SSX5: variants seen among roughly 807,000 people sequenced by gnomAD.
The protein encoded by SSX5 is SSX family member 5.
A neutral mutation model predicts 14.9 loss-of-function variants in SSX5; 14 were observed. The observed-to-expected ratio is 0.94, with a 90% CI of 0.62 to 1.47. The LOEUF (loss-of-function observed/expected upper bound fraction) is 1.47. Among genes scored for constraint, SSX5 ranks in the 40% most tolerant of loss-of-function variants. The probability of loss-of-function intolerance (pLI) is 0.00; values close to 1 mark genes in which losing one functional copy is unlikely to be tolerated. For synonymous variants in SSX5, 70 were observed against 55.4 expected, an observed-to-expected ratio of 1.26 and a Z score of -1.17; for missense variants, 204 against 154.6, an observed-to-expected ratio of 1.32 and a Z score of -1.70.
chrX:48,195,523 C>T, intron 1 of SSX5, 145 bp from the exon 2 acceptor site: 1 of 562,211 alleles, frequency 1.8e-6, no homozygotes. Context: ...CTGAGTAAGG[C>T]CATGGGGAGA....
In SSX5 at chrX:48,195,333, C is replaced by T. The variant is rs782658686; in HGVS notation, c.26G>A (p.Arg9Gln). 47 of 1,209,892 alleles carry T rather than the reference C, an allele frequency of 3.9e-5. No individual in the cohort carries two copies. The highest frequency in any genetic ancestry group is 5.0e-5 in the Non-Finnish European group (45 of 895,187). The change falls in exon 2 of 8, where the codon CGG becomes CAG. Residue 9 changes from arginine (R) to glutamine (Q), a missense_variant. Coordinates refer to ENST00000347757, the MANE Select transcript of SSX5 (RefSeq NM_175723.2). ...TATTTGAGAACCAACCCTAGGTCTC[C>T]GTACAAAGGCATCGTCTCCGTTCAT... is the stretch of plus-strand genomic sequence containing the variant. The part of the protein sequence containing the change: MNGDDAFV[R>Q]RPRVGSQIPE...
intron 2 of SSX5, 190 bp from the exon 3 acceptor site, chrX:48,195,044 C>A: frequency 1.7e-6 from 2 of 1,211,539 alleles, no homozygotes; most frequent in African/African-American, 3.5e-5. Context: ...AGCTTTAATG[C>A]TGCTGGCTGG....
rs2059399042 is a variant in SSX5, at chrX:48,186,695, C to T, written c.*166G>A. The T allele has an allele frequency of 2.0e-6, 2 of 988,939 alleles. No homozygotes were observed. The highest frequency in any genetic ancestry group is 3.8e-5 in the African/African-American group (2 of 52,772). The allele number at this position is 988,939 out of a possible 1,213,427, so 81.5% of individuals were successfully genotyped here. A position where few individuals can be genotyped will look rare whatever the true frequency, so the allele number is the denominator to read the frequency against. Reference sequence around the variant, plus strand: ...ATACAACAGAAACACTAACATCGAACTCTTGGCACACTAAGAAAAATGACG... The same window carrying T: ...ATACAACAGAAACACTAACATCGAATTCTTGGCACACTAAGAAAAATGACG... On this transcript the variant is annotated 3_prime_UTR_variant, in exon 8 of 8. Coordinates refer to ENST00000347757, the MANE Select transcript of SSX5 (RefSeq NM_175723.2).
chrX:48,192,068 A>G (rs1358925269), intron 5 of SSX5, among the ~76,000 whole-genome samples, 164 bp downstream of exon 5: 1 of 112,486 alleles, frequency 8.9e-6, no homozygotes, highest in Non-Finnish European at 1.9e-5. Flanking sequence ...ATTAAGGATC[A>G]CAACTGTTAG....
intron 5 of SSX5, 79 bp downstream of exon 5, chrX:48,192,153 A>G (rs2059422427): frequency 8.4e-7 from 1 of 1,191,783 alleles, no homozygotes; most frequent in African/African-American, 1.8e-5. Context: ...GGCATTGTTG[A>G]TATTCTCCCA....
At chrX:48,192,551 T>C (rs1226503255) in intron 4 of SSX5, among the ~76,000 whole-genome samples, 4 of 112,411 alleles carry the variant, frequency 3.6e-5, no homozygotes, top group Non-Finnish European at 1.9e-5. Flanking sequence ...TTTTACTTAT[T>C]CTCAAATAAT....
Position 48,190,115 on chromosome X carries a change from C to G in SSX5, c.466+18G>C. On this transcript the variant is annotated intron_variant, in intron 6 of 7. Coordinates refer to ENST00000347757, the MANE Select transcript of SSX5 (RefSeq NM_175723.2). The stretch of plus-strand genomic sequence containing the variant: ...CGAGAAAAGCCAGAGTGGTTGTTCC[C>G]AAATTCTTTTCTCTTACCAGATGTC... 1 of 1,209,355 alleles carries G rather than the reference C, an allele frequency of 8.3e-7. No individual in the cohort carries two copies. Among genetic ancestry groups the G allele is most frequent in the Non-Finnish European group, 1.1e-6 (1 of 894,377 alleles).
rs1341267852 is a variant in SSX5 at position 48,195,290 on chromosome X, C to A, written c.69G>T (p.Lys23Asn). ...VGSQIPEKMQ[K>N]AFDDIAKYFS... ...CTATGCCCCCTGCAGGTCACCTCAC[C>A]TTTTGCATCTTCTCTGGTATTTGAG... Residue 23 changes from lysine (K) to asparagine (N), a missense_variant and splice_region_variant, in exon 2 of 8, where the codon AAG becomes AAT. Coordinates refer to ENST00000347757, the MANE Select transcript of SSX5 (RefSeq NM_175723.2). 1 of 1,209,423 alleles carries A rather than the reference C, an allele frequency of 8.3e-7. No individual in the cohort carries two copies. The highest frequency in any genetic ancestry group is 1.8e-5 in the African/African-American group (1 of 57,110).
chrX:48,194,676 GC>G, intron 3 of SSX5, 63 bp downstream of exon 3: 1 of 1,112,552 alleles, frequency 9.0e-7, no homozygotes, highest in African/African-American at 1.8e-5. Context: ...CTAAGAAATA[GC>G]CAAAGCTGGA....
At chrX:48,194,054 A>C (rs1356912821) in intron 4 of SSX5, 75 bp downstream of exon 4, 50 of 1,143,878 alleles carry the variant, frequency 4.4e-5, no homozygotes, top group South Asian at 2.2e-4. Context: ...ATGCCTGAGG[A>C]TCTTTCCCAG....
intron 5 of SSX5, 71 bp from the exon 6 acceptor site, chrX:48,190,339 A>G: frequency 9.2e-7 from 1 of 1,088,404 alleles, no homozygotes; most frequent in Non-Finnish European, 1.2e-6. Context: ...CTTACAAAGA[A>G]TCTTCACATG....
chrX:48,195,134 G>T (rs1556925570), intron 2 of SSX5, 156 bp downstream of exon 2: 2 of 1,211,559 alleles, frequency 1.7e-6, no homozygotes, highest in Non-Finnish European at 2.2e-6. Context: ...GGGATGCTAG[G>T]TGATGACAGA....
chrX:48,187,949 G>T (rs1279549007), intron 6 of SSX5, among the ~76,000 whole-genome samples: 1 of 112,123 alleles, frequency 8.9e-6, no homozygotes, highest in Non-Finnish European at 1.9e-5. Flanking sequence ...TAAAGTTTTA[G>T]CTTCTGGCTC....
At chrX:48,187,854 G>A in intron 6 of SSX5, 123 bp from the exon 7 acceptor site, 2 of 908,551 alleles carry the variant, frequency 2.2e-6, no homozygotes, top group Non-Finnish European at 3.1e-6. Flanking sequence ...AAGTGCCCAT[G>A]GGTCTTCTTT....
At chrX:48,193,807 C>T (rs181766154) in intron 4 of SSX5, among the ~76,000 whole-genome samples, 3 of 109,658 alleles carry the variant, frequency 2.7e-5, no homozygotes, top group Non-Finnish European at 5.7e-5. Flanking sequence ...CTGTCTGTGC[C>T]GCACTCAGCA....
intron 4 of SSX5, 166 bp from the exon 5 acceptor site, chrX:48,192,447 T>C: frequency 1.3e-6 from 1 of 794,923 alleles, no homozygotes; most frequent in Non-Finnish European, 1.8e-6. Flanking sequence ...GGTTGGTGCA[T>C]TTATCTGTGG....
chrX:48,187,648 G>C lies in SSX5; in HGVS notation c.550C>G (p.Gln184Glu), dbSNP rs139447648. 1.3e-4 allele frequency: 163 copies of C among 1,207,581 alleles called. No individual in the cohort carries two copies. In the East Asian group the frequency reaches 1.8e-3, roughly 13 times the overall value. Residue 184 changes from glutamine (Q) to glutamate (E), a missense_variant, in exon 7 of 8, where the codon CAG becomes GAG. Coordinates refer to ENST00000347757, the MANE Select transcript of SSX5 (RefSeq NM_175723.2). ...TTACGGAGTTACTCGTCATCTTCCT[G>C]AGGGTCGCTGATCTCTTCATAAATC... is the stretch of plus-strand genomic sequence containing the variant. ...LVIYEEISDP[Q>E]EDDE
intron 2 of SSX5, 77 bp downstream of exon 2, chrX:48,195,213 G>A: frequency 1.7e-6 from 2 of 1,205,608 alleles, no homozygotes; most frequent in South Asian, 3.5e-5. Flanking sequence ...CAGTACCTCT[G>A]TCCTCCCCTC....
intron 7 of SSX5, 108 bp from the exon 8 acceptor site, chrX:48,186,964 C>G (rs2059400181): frequency 1.0e-6 from 1 of 986,731 alleles, no homozygotes; most frequent in East Asian, 3.1e-5. Flanking sequence ...CGATTCTGCC[C>G]TACCTCAGGA....
Sources: gnomAD v4.1 joint callset for allele counts (sites outside exome capture counted in the v4.1 genomes callset) on GRCh38, gnomAD v4.1.1 for gene constraint, MANE v1.5 for transcripts, NCBI Gene and HGNC (gene_info 2026-07-23, HGNC 2026-07-21) for gene names.